Variants in OASL observed in about 807,000 individuals in gnomAD.
OASL encodes the protein 2'-5'-oligoadenylate synthase-like protein.
In OASL, 28 loss-of-function variants were observed where a neutral mutation model predicts 35.3. The ratio of observed to expected loss-of-function variants is 0.79; its 90% CI spans 0.59 to 1.09. OASL has a LOEUF of 1.09. Ranked by LOEUF, OASL falls within the 50% of genes least tolerant of loss-of-function variation. The pLI, the probability that OASL is intolerant of heterozygous loss-of-function variation, is 0.00. For missense variants in OASL, 620 were observed against 635.2 expected (o/e 0.98, Z 0.26); for synonymous variants, 252 against 254.6 (o/e 0.99, Z 0.10).
exon 6 of OASL, chr12:121,019,327 T>C (rs924972046): frequency 3.3e-5 from 5 of 152,184 alleles, no homozygotes; most frequent in African/African-American, 1.2e-4. Context: ...GATAACCAAT[T>C]GCAGTGTGCA....
chr12:121,025,290 G>A (rs956887723), intron 4 of OASL, among the ~76,000 whole-genome samples: 12 of 152,144 alleles, frequency 7.9e-5, no homozygotes, highest in South Asian at 4.1e-4. Context: ...ATTGCCCTAA[G>A]TTCTTACAGC....
chr12:121,027,705 T>C, exon 4 of OASL: 2 of 1,614,198 alleles, frequency 1.2e-6, no homozygotes, highest in Middle Eastern at 1.6e-4. Flanking sequence ...GAAGCCTTCG[T>C]CCAACATGAA....
exon 5 of OASL, chr12:121,024,036 C>G: frequency 6.2e-7 from 1 of 1,614,204 alleles, no homozygotes; most frequent in Non-Finnish European, 8.5e-7. Flanking sequence ...GTCATAGCAA[C>G]AGTCCTGTTT....
intron 2 of OASL, among the ~76,000 whole-genome samples, chr12:121,032,975 G>A (rs1869799353): frequency 6.6e-6 from 1 of 151,852 alleles, no homozygotes; most frequent in South Asian, 2.1e-4. Context: ...GCCCAGGCTG[G>A]AGTGCAATGG....
chr12:121,034,672 G>A (rs1183916348), intron 1 of OASL, among the ~76,000 whole-genome samples: 2 of 152,160 alleles, frequency 1.3e-5, no homozygotes, highest in Admixed American at 6.5e-5. Context: ...ACTCTTCCCT[G>A]TTTCTTAGCT....
intron 4 of OASL, among the ~76,000 whole-genome samples, chr12:121,025,094 C>T (rs1469317713): frequency 6.6e-6 from 1 of 150,922 alleles, no homozygotes; most frequent in African/African-American, 2.4e-5. Context: ...TTCTCTGCCT[C>T]GGCCTCCTGA....
At position 121,033,763 on chromosome 12, in the gene OASL, G is replaced by A. The variant is rs775402721; in HGVS notation, c.199-20C>T. 1.6e-5 allele frequency: 25 copies of A among 1,605,820 alleles called. No homozygotes were observed. The highest frequency in any genetic ancestry group is 2.0e-4 in the Middle Eastern group (1 of 4,992). On this transcript the variant is annotated intron_variant, in intron 1 of 5. Coordinates refer to ENST00000257570, the Ensembl canonical transcript of OASL. ...GCCCACCTGCAGAACACAGAGCCCC[G>A]TCACCCTGAGGCCCACTGCCATGAG...
rs1870054300 is a variant in OASL, at chr12:121,038,718, GT to G, written c.198+55del. 4 of 1,574,074 alleles carry G rather than the reference GT, an allele frequency of 2.5e-6. No individual in the cohort carries two copies. The Admixed American group carries it at 6.7e-5, about 26-fold the overall frequency. On this transcript the variant is annotated intron_variant, in intron 1 of 5. Coordinates refer to ENST00000257570, the Ensembl canonical transcript of OASL. ...AGGGGTCCCCAGCATCCCCAGGGACGTGGACTCTGATACTGGGTTTTGTCTT... is the reference window on the plus strand; with the variant it reads ...AGGGGTCCCCAGCATCCCCAGGGACGGGACTCTGATACTGGGTTTTGTCTT...
At chr12:121,030,083 C>T (rs1483978452) in intron 3 of OASL, among the ~76,000 whole-genome samples, 6 of 152,168 alleles carry the variant, frequency 3.9e-5, no homozygotes, top group Admixed American at 3.9e-4. Context: ...CTATGTTGCT[C>T]AGGCTGGTCT....
chr12:121,019,367 A>AC (rs1338853580), exon 6 of OASL: 1 of 152,190 alleles, frequency 6.6e-6, no homozygotes, highest in Non-Finnish European at 1.5e-5. Flanking sequence ...AGAGTAGCCC[A>AC]CCAGAAAACT....
chr12:121,024,871 T>C (rs1182983850), intron 4 of OASL, among the ~76,000 whole-genome samples: 1 of 152,114 alleles, frequency 6.6e-6, no homozygotes, highest in Non-Finnish European at 1.5e-5. Flanking sequence ...CCTATGCAGA[T>C]TAACCTATTT....
chr12:121,024,886 C>T (rs922726904), intron 4 of OASL, among the ~76,000 whole-genome samples: 8 of 150,972 alleles, frequency 5.3e-5, no homozygotes, highest in African/African-American at 1.5e-4. Flanking sequence ...CTATTTTAAT[C>T]TTACAGCAAT....
chr12:121,038,978 C>T (rs1870075669), exon 1 of OASL: 1 of 1,612,784 alleles, frequency 6.2e-7, no homozygotes, highest in African/African-American at 1.3e-5. Flanking sequence ...CCATCTCTGT[C>T]CCGAGAGTAC....
At chr12:121,038,783 C>T in exon 1 of OASL, 1 of 1,614,076 alleles carries the variant, frequency 6.2e-7, no homozygotes, top group Non-Finnish European at 8.5e-7. Flanking sequence ...CCTTGACTAC[C>T]TTCAGCACCC....
chr12:121,032,999 C>A (rs1425621522), intron 2 of OASL, among the ~76,000 whole-genome samples: 1 of 152,016 alleles, frequency 6.6e-6, no homozygotes, highest in Non-Finnish European at 1.5e-5. Context: ...GATCTTGACT[C>A]ACTGCAACCT....
intron 5 of OASL, among the ~76,000 whole-genome samples, chr12:121,023,446 G>A (rs1044154439): frequency 2.0e-5 from 3 of 151,450 alleles, no homozygotes; most frequent in Non-Finnish European, 2.9e-5. Context: ...CTGCCACCAC[G>A]CCCGCCTAAT....
Position 121,024,147 on chromosome 12 carries a change from A to C in OASL, c.900-10T>G. On this transcript the variant is annotated splice_polypyrimidine_tract_variant and intron_variant, in intron 4 of 5. Transcript: ENST00000257570. ...ATCCAGGATGATGGGCCTGTAACAC[A>C]GGAAAAGGGTGCCCAGGCTCATAAT... 1 of 1,612,704 alleles carries C rather than the reference A, an allele frequency of 6.2e-7. No homozygotes were observed. Among genetic ancestry groups the C allele is most frequent in the Non-Finnish European group, 8.5e-7 (1 of 1,179,234 alleles).
At chr12:121,020,279 G>A (rs1869174076) in exon 6 of OASL, 2 of 302,788 alleles carry the variant, frequency 6.6e-6, no homozygotes, top group Admixed American at 9.4e-5. Context: ...GACTACAAAT[G>A]TGCACAACCA....
intron 2 of OASL, among the ~76,000 whole-genome samples, chr12:121,031,948 TG>T (rs1168628251): frequency 1.3e-5 from 2 of 152,138 alleles, no homozygotes; most frequent in African/African-American, 4.8e-5. Flanking sequence ...CCCAGCACTT[TG>T]GGAGGCCGAG....
Sources: gnomAD v4.1 joint callset for allele counts (sites outside exome capture counted in the v4.1 genomes callset) on GRCh38, gnomAD v4.1.1 for gene constraint, MANE v1.5 for transcripts, NCBI Gene and HGNC (gene_info 2026-07-23, HGNC 2026-07-21) for gene names.